MARCHF11: variants seen among roughly 807,000 people sequenced by gnomAD.
MARCHF11 encodes E3 ubiquitin-protein ligase MARCHF11.
MARCHF11 carries 29 observed loss-of-function variants against 37.3 expected under a neutral mutation model. The observed-to-expected ratio is 0.78, with a 90% CI of 0.58 to 1.06. MARCHF11 has a LOEUF of 1.06. MARCHF11 is among the 50% of genes least tolerant of loss of function. The probability of loss-of-function intolerance (pLI) is 0.00; values close to 1 mark genes in which losing one functional copy is unlikely to be tolerated. For missense variants in MARCHF11, 482 were observed against 533.4 expected (o/e 0.90, Z 0.95); for synonymous variants, 233 against 228.0 (o/e 1.02, Z -0.20).
chr5:16,127,142 T>G (rs1307187284), intron 2 of MARCHF11, among the ~76,000 whole-genome samples: 2 of 152,116 alleles, frequency 1.3e-5, no homozygotes, highest in Admixed American at 6.5e-5. Context: ...TCACAGAGGT[T>G]GAATACTCAA....
intron 2 of MARCHF11, among the ~76,000 whole-genome samples, chr5:16,115,129 G>A (rs1737209170): frequency 6.6e-6 from 1 of 152,164 alleles, no homozygotes; most frequent in South Asian, 2.1e-4. Context: ...GAAGCTGAGG[G>A]ACTTTGTAAA....
chr5:16,095,861 C>A (rs902585299), intron 2 of MARCHF11, among the ~76,000 whole-genome samples: 8 of 152,178 alleles, frequency 5.3e-5, no homozygotes, highest in Non-Finnish European at 1.2e-4. Flanking sequence ...GAGTCTCATG[C>A]CCCCTCCTGT....
chr5:16,127,919 C>A (rs1387421813), intron 2 of MARCHF11, among the ~76,000 whole-genome samples: 1 of 152,156 alleles, frequency 6.6e-6, no homozygotes. Flanking sequence ...AGGGTAGCTG[C>A]TCCACTTGCT....
At chr5:16,092,087 C>T (rs1007160101) in intron 2 of MARCHF11, among the ~76,000 whole-genome samples, 10 of 152,154 alleles carry the variant, frequency 6.6e-5, no homozygotes, top group Non-Finnish European at 1.3e-4. Flanking sequence ...CAGTGTCCAT[C>T]GGATCAGTCT....
chr5:16,071,542 A>G (rs1173824490), intron 3 of MARCHF11, among the ~76,000 whole-genome samples: 5 of 152,200 alleles, frequency 3.3e-5, no homozygotes, highest in Admixed American at 6.5e-5. Flanking sequence ...GTAGTGTGTT[A>G]CTTGAAATTC....
At chr5:16,070,798 T>C (rs890065315) in intron 3 of MARCHF11, among the ~76,000 whole-genome samples, 2 of 152,210 alleles carry the variant, frequency 1.3e-5, no homozygotes, top group Non-Finnish European at 2.9e-5. Flanking sequence ...GGCTGCTTTT[T>C]AATTGCCGTA....
chr5:16,070,728 G>C (rs57018497), intron 3 of MARCHF11, among the ~76,000 whole-genome samples: 2,799 of 152,234 alleles, frequency 0.018, 71 homozygotes, highest in African/African-American at 0.063. Flanking sequence ...CAAATTTAAA[G>C]AGAGAGAACT....
chr5:16,135,243 C>T (rs1419029967), intron 2 of MARCHF11, among the ~76,000 whole-genome samples: 1 of 152,034 alleles, frequency 6.6e-6, no homozygotes, highest in Non-Finnish European at 1.5e-5. Flanking sequence ...AAAAGGGGCC[C>T]CTGCTGGGTC....
chr5:16,103,077 C>T (rs528230940), intron 2 of MARCHF11, among the ~76,000 whole-genome samples: 1 of 148,764 alleles, frequency 6.7e-6, no homozygotes, highest in African/African-American at 2.5e-5. Context: ...ATGCCAGACC[C>T]TACAGAAGTC....
chr5:16,115,426 T>G (rs1449497034), intron 2 of MARCHF11, among the ~76,000 whole-genome samples: 1 of 152,162 alleles, frequency 6.6e-6, no homozygotes, highest in East Asian at 1.9e-4. Flanking sequence ...AACTCATCAA[T>G]AAATTTGAAT....
chr5:16,085,013 C>T (rs796257804), intron 3 of MARCHF11, among the ~76,000 whole-genome samples: 5 of 145,600 alleles, frequency 3.4e-5, no homozygotes, highest in South Asian at 2.1e-4. Flanking sequence ...TGTGTGTGTG[C>T]GCCTATATCT....
At chr5:16,134,717 T>G (rs1737578202) in intron 2 of MARCHF11, among the ~76,000 whole-genome samples, 1 of 152,170 alleles carries the variant, frequency 6.6e-6, no homozygotes, top group South Asian at 2.1e-4. Context: ...AATATAAGAA[T>G]TTCAACAATA....
At chr5:16,082,655 C>G (rs1466632598) in intron 3 of MARCHF11, among the ~76,000 whole-genome samples, 1 of 152,130 alleles carries the variant, frequency 6.6e-6, no homozygotes, top group Non-Finnish European at 1.5e-5. Flanking sequence ...TTTCCTGCAG[C>G]AGAGGCGGGT....
chr5:16,178,014 A>C, intron 1 of MARCHF11, 133 bp from the exon 2 acceptor site: 3 of 758,794 alleles, frequency 4.0e-6, no homozygotes. Context: ...AAATGAAATT[A>C]AAATTTTATA....
At chr5:16,127,001 G>GA (rs1737420271) in intron 2 of MARCHF11, among the ~76,000 whole-genome samples, 1 of 152,076 alleles carries the variant, frequency 6.6e-6, no homozygotes, top group East Asian at 1.9e-4. Flanking sequence ...AGCTCAGTCA[G>GA]AAAAAAGGCA....
intron 2 of MARCHF11, among the ~76,000 whole-genome samples, chr5:16,137,039 A>T (rs1434722893): frequency 6.6e-6 from 1 of 152,242 alleles, no homozygotes; most frequent in Non-Finnish European, 1.5e-5. Context: ...AAATTAAATA[A>T]TAAAACAAAT....
chr5:16,078,275 G>A (rs979656018), intron 3 of MARCHF11, among the ~76,000 whole-genome samples: 22 of 152,182 alleles, frequency 1.4e-4, no homozygotes, highest in African/African-American at 5.3e-4. Flanking sequence ...TCTCTCAGAT[G>A]AGAATAACAG....
rs1158860827 is a variant in MARCHF11, at chr5:16,091,201, C to G, written c.694-120G>C. 4.4e-6 allele frequency: 3 copies of G among 688,782 alleles called. No homozygotes were observed. The African/African-American group carries it at 5.6e-5, about 13-fold the overall frequency. The allele number at this position is 688,782 out of a possible 1,614,324, so 42.7% of individuals were successfully genotyped here. A position where few individuals can be genotyped will look rare whatever the true frequency, so the allele number is the denominator to read the frequency against. On this transcript the variant is annotated intron_variant, in intron 2 of 3. Coordinates refer to ENST00000332432, the MANE Select transcript of MARCHF11 (RefSeq NM_001102562.3). Reference sequence around the variant, plus strand: ...AGACCCTTTGAAATCTGATGAGACCCCAAATGAATTTTTTCATTTCATCCA... The same window carrying G: ...AGACCCTTTGAAATCTGATGAGACCGCAAATGAATTTTTTCATTTCATCCA...
chr5:16,177,250 T>A (rs1292934977), intron 2 of MARCHF11, among the ~76,000 whole-genome samples: 1 of 152,206 alleles, frequency 6.6e-6, no homozygotes, highest in Non-Finnish European at 1.5e-5. Context: ...CCTGGTTAAG[T>A]GGAAATAACA....
Sources: allele counts gnomAD v4.1 joint callset (sites outside exome capture counted in the v4.1 genomes callset), GRCh38; gene constraint gnomAD v4.1.1; transcripts MANE v1.5; gene names NCBI Gene and HGNC (gene_info 2026-07-23, HGNC 2026-07-21).